CAV2: variants seen among roughly 807,000 people sequenced by gnomAD.
CAV2 encodes caveolin 2, also known as caveolin-2.
Under a neutral mutation model 15.5 loss-of-function variants are expected in CAV2, and 7 were observed. The ratio of observed to expected loss-of-function variants is 0.45; its 90% CI spans 0.26 to 0.85. The LOEUF (loss-of-function observed/expected upper bound fraction) is 0.85, where lower values mean the gene tolerates loss of function less well. Among genes scored for constraint, CAV2 ranks in the 40% least tolerant of loss-of-function variants. The pLI is 0.18. For missense variants in CAV2, 229 were observed against 208.8 expected (o/e 1.10, Z -0.60); for synonymous variants, 76 against 83.1 (o/e 0.91, Z 0.46).
intron 2 of CAV2, 127 bp downstream of exon 2, chr7:116,500,574 G>A: frequency 2.3e-6 from 2 of 854,858 alleles, no homozygotes. Flanking sequence ...TTCCCAAGCA[G>A]TAGGAAGAAC....
rs1253466379 is a variant in CAV2, at chr7:116,508,409, T to A, written c.*2288T>A. The A allele has an allele frequency of 4.6e-5, 7 of 152,194 alleles. No individual in the cohort carries two copies. The allele number at this position is 152,194 out of a possible 1,614,324, so 9.4% of individuals were successfully genotyped here. On this transcript the variant is annotated 3_prime_UTR_variant, in exon 3 of 3. Transcript: ENST00000222693. ...TTGAGATTTTCCATTAACTATTTTT[T>A]TCAAAGACTCAAATTTTGTACCAAG...
At position 116,499,874 on chromosome 7, in the gene CAV2, G is replaced by T; in HGVS notation, c.93G>T (p.Glu31Asp). The change falls in exon 1 of 3, where the codon GAG becomes GAT. Residue 31 changes from glutamate (E) to aspartate (D), a missense_variant. By Grantham distance (45) the Glu-to-Asp change is conservative. Coordinates refer to ENST00000222693, the MANE Select transcript of CAV2 (RefSeq NM_001233.5). ...HHSGLEYADP[E>D]KFADSDQDRD... is the part of the protein sequence containing the mutation. The stretch of plus-strand genomic sequence containing the variant: ...GCGGCCTCGAGTACGCCGACCCCGA[G>T]AAGTTCGCGGACTCGGACCAGGACC... 6.2e-7 allele frequency: 1 copy of T among 1,612,140 alleles called. No individual in the cohort carries two copies. The highest frequency in any genetic ancestry group is 2.2e-5 in the East Asian group (1 of 44,808).
chr7:116,505,151 A>G (rs757748700), intron 2 of CAV2, among the ~76,000 whole-genome samples: 2 of 152,210 alleles, frequency 1.3e-5, no homozygotes, highest in Non-Finnish European at 2.9e-5. Context: ...ATGAGGGAAT[A>G]TCCGATCTAG....
intron 2 of CAV2, among the ~76,000 whole-genome samples, chr7:116,504,036 GAAAA>G (rs1170677409): frequency 3.5e-5 from 2 of 57,542 alleles, no homozygotes; most frequent in African/African-American, 5.8e-5. Flanking sequence ...GAAAGAGAAA[GAAAA>G]AGAAAGAAAG....
At chr7:116,504,889 A>G (rs572728413) in intron 2 of CAV2, among the ~76,000 whole-genome samples, 1 of 152,238 alleles carries the variant, frequency 6.6e-6, no homozygotes, top group Admixed American at 6.5e-5. Flanking sequence ...TCTTTCAACT[A>G]TACCATACAG....
chr7:116,505,827 A>G, intron 2 of CAV2, 144 bp from the exon 3 acceptor site: 1 of 589,384 alleles, frequency 1.7e-6, no homozygotes, highest in South Asian at 2.4e-5. Flanking sequence ...AATCATTATC[A>G]GTGATCATTG....
At chr7:116,503,768 T>A (rs1793155912) in intron 2 of CAV2, among the ~76,000 whole-genome samples, 1 of 151,404 alleles carries the variant, frequency 6.6e-6, no homozygotes, top group African/African-American at 2.4e-5. Context: ...AGGCGAAGGT[T>A]GCAGTGAGCC....
At chr7:116,500,501 C>G in intron 2 of CAV2, 54 bp downstream of exon 2, 1 of 1,528,776 alleles carries the variant, frequency 6.5e-7, no homozygotes, top group South Asian at 1.2e-5. Context: ...GCATATTCTC[C>G]GCCACCTGCC....
chr7:116,503,301 T>C (rs1475661682), intron 2 of CAV2, among the ~76,000 whole-genome samples: 1 of 152,030 alleles, frequency 6.6e-6, no homozygotes, highest in Non-Finnish European at 1.5e-5. Flanking sequence ...CAACTTAAGT[T>C]TGATGTCGGA....
Position 116,500,380 on chromosome 7 carries a change from T to C in CAV2, c.271T>C (p.Phe91Leu). 1 of 1,614,206 alleles carries C rather than the reference T, an allele frequency of 6.2e-7. No individual in the cohort carries two copies. Among genetic ancestry groups the C allele is most frequent in the Non-Finnish European group, 8.5e-7 (1 of 1,180,022 alleles). ...KYVMYKFLTV[F>L]LAIPLAFIAG... ...CGTAATGTACAAGTTCCTGACGGTG[T>C]TCCTGGCCATTCCCCTGGCCTTCAT... Residue 91 changes from phenylalanine to leucine, a missense_variant, in exon 2 of 3, where the codon TTC becomes CTC. Phe to Leu is a conservative substitution (Grantham distance 22). Transcript: ENST00000222693.
intron 2 of CAV2, among the ~76,000 whole-genome samples, chr7:116,504,769 C>A (rs1793191822): frequency 6.6e-6 from 1 of 152,094 alleles, no homozygotes; most frequent in Admixed American, 6.6e-5. Context: ...AATTAACCAT[C>A]CTGAGGACTA....
At position 116,506,954 on chromosome 7, in the gene CAV2, A is replaced by G. The variant is rs1277905659; in HGVS notation, c.*833A>G. ...AGCGATACACAAAGCTTTCTTTTCT[A>G]ACTTTTCCAAGCAAAATCTAAAATG... On this transcript the variant is annotated 3_prime_UTR_variant, in exon 3 of 3. Coordinates refer to ENST00000222693, the MANE Select transcript of CAV2 (RefSeq NM_001233.5). The G allele has an allele frequency of 6.6e-6, 1 of 152,300 alleles. No individual in the cohort carries two copies. The highest frequency in any genetic ancestry group is 1.5e-5 in the Non-Finnish European group (1 of 68,018). The allele number at this position is 152,300 out of a possible 1,614,324, so 9.4% of individuals were successfully genotyped here.
chr7:116,499,785 G>A lies in CAV2; in HGVS notation c.4G>A (p.Gly2Arg). The change falls in exon 1 of 3, where the codon GGG (glycine) becomes AGG (arginine). Residue 2 changes from glycine to arginine, a missense_variant. Gly to Arg is a moderately radical substitution (Grantham distance 125). Coordinates refer to ENST00000222693, the MANE Select transcript of CAV2 (RefSeq NM_001233.5). The stretch of plus-strand genomic sequence containing the variant: ...GCGGCCGCGCACCAAGGCTGCGATG[G>A]GGCTGGAGACGGAGAAGGCGGACGT... M[G>R]LETEKADVQL... The A allele has an allele frequency of 3.8e-6, 6 of 1,565,584 alleles. No homozygotes were observed. The highest frequency in any genetic ancestry group is 5.2e-6 in the Non-Finnish European group (6 of 1,157,838).
Position 116,499,947 on chromosome 7 carries a change from G to C in CAV2, c.150+16G>C, listed in dbSNP as rs745398541. ...GCATCTCAAGGTGAAGCCCGGGGCGGGCGGGCCCAAGTCCCCGCTGAGGCC... is the reference window on the plus strand; with the variant it reads ...GCATCTCAAGGTGAAGCCCGGGGCGCGCGGGCCCAAGTCCCCGCTGAGGCC... On this transcript the variant is annotated intron_variant, in intron 1 of 2. Coordinates refer to ENST00000222693, the MANE Select transcript of CAV2 (RefSeq NM_001233.5). 7 of 1,608,292 alleles carry C rather than the reference G, an allele frequency of 4.4e-6. 1 individual carries two copies. In the South Asian group the frequency reaches 7.7e-5, roughly 18 times the overall value.
chr7:116,504,856 AG>A (rs1793195025), intron 2 of CAV2, among the ~76,000 whole-genome samples: 1 of 152,242 alleles, frequency 6.6e-6, no homozygotes, highest in Non-Finnish European at 1.5e-5. Flanking sequence ...CTTGTGTAAA[AG>A]TTCTAACATC....
intron 2 of CAV2, among the ~76,000 whole-genome samples, chr7:116,504,936 A>G (rs1793198473): frequency 6.6e-6 from 1 of 152,202 alleles, no homozygotes; most frequent in Admixed American, 6.5e-5. Context: ...GAAAAAATTA[A>G]AAAATATAAA....
intron 2 of CAV2, chr7:116,500,854 C>T (rs1481908510): frequency 5.9e-6 from 1 of 168,708 alleles, no homozygotes; most frequent in Non-Finnish European, 1.3e-5. Flanking sequence ...TGGGGTAAAA[C>T]AAAAGTGATC....
At chr7:116,502,961 A>G (rs1793138011) in intron 2 of CAV2, among the ~76,000 whole-genome samples, 1 of 152,182 alleles carries the variant, frequency 6.6e-6, no homozygotes, top group Non-Finnish European at 1.5e-5. Context: ...GCTGGAATGC[A>G]AAGCAAACAA....
intron 1 of CAV2, 123 bp from the exon 2 acceptor site, chr7:116,500,137 C>G: frequency 6.7e-7 from 1 of 1,498,258 alleles, no homozygotes; most frequent in Non-Finnish European, 8.8e-7. Context: ...CACCGTGACC[C>G]TAAGAGAAGA....
Sources: allele counts gnomAD v4.1 joint callset (sites outside exome capture counted in the v4.1 genomes callset), GRCh38; gene constraint gnomAD v4.1.1; transcripts MANE v1.5; gene names NCBI Gene and HGNC (gene_info 2026-07-23, HGNC 2026-07-21).